WDPCP: variants seen among roughly 807,000 people sequenced by gnomAD.
The protein encoded by WDPCP is WD repeat-containing and planar cell polarity effector protein fritz homolog.
Under a neutral mutation model 93.1 loss-of-function variants are expected in WDPCP, and 71 were observed. The observed-to-expected ratio is 0.76, with a 90% confidence interval of 0.63 to 0.93. WDPCP has a LOEUF of 0.93. Ranked by LOEUF, WDPCP falls within the 40% of genes least tolerant of loss-of-function variation. The pLI, the probability that WDPCP is intolerant of heterozygous loss-of-function variation, is 0.00. For missense variants in WDPCP, 844 were observed against 887.4 expected (o/e 0.95, Z 0.62); for synonymous variants, 315 against 315.0 (o/e 1.00, Z 0.00).
At chr2:63,362,729 A>G (rs1176176521) in intron 12 of WDPCP, among the ~76,000 whole-genome samples, 2 of 152,106 alleles carry the variant, frequency 1.3e-5, no homozygotes, top group Admixed American at 6.5e-5. Context: ...CAGTGGTGCA[A>G]TCATAGCTCA....
chr2:63,419,780 A>G (rs1460128535), intron 9 of WDPCP, among the ~76,000 whole-genome samples: 13 of 152,332 alleles, frequency 8.5e-5, no homozygotes, highest in Admixed American at 6.5e-4. Flanking sequence ...GTCACCTGAT[A>G]TATAAATCAG....
At chr2:63,349,014 A>C (rs1689391159) in intron 12 of WDPCP, among the ~76,000 whole-genome samples, 1 of 152,214 alleles carries the variant, frequency 6.6e-6, no homozygotes, top group Non-Finnish European at 1.5e-5. Context: ...ATGGCCACTT[A>C]TGGAAACTAC....
chr2:63,519,077 T>C (rs1453621196), intron 1 of WDPCP: 1 of 149,094 alleles, frequency 6.7e-6, no homozygotes, highest in Admixed American at 6.7e-5. Context: ...CATGTTGCTA[T>C]TGCCAACCTA....
intron 17 of WDPCP, among the ~76,000 whole-genome samples, chr2:63,133,935 G>C (rs1021104001): frequency 6.6e-6 from 1 of 152,184 alleles, no homozygotes; most frequent in African/African-American, 2.4e-5. Context: ...GGTTTCTGTA[G>C]ACCTTTGACT....
At chr2:63,238,105 G>T (rs1261065603) in intron 14 of WDPCP, among the ~76,000 whole-genome samples, 1 of 151,454 alleles carries the variant, frequency 6.6e-6, no homozygotes, top group African/African-American at 2.4e-5. Flanking sequence ...ACCTTTTCAT[G>T]ATTATAGCAA....
intron 17 of WDPCP, among the ~76,000 whole-genome samples, chr2:63,139,810 A>G (rs1670920917): frequency 6.6e-6 from 1 of 152,060 alleles, no homozygotes; most frequent in African/African-American, 2.4e-5. Context: ...AAAGCTCTTT[A>G]GTTTAATTAG....
chr2:63,473,245 G>A (rs1209114151), intron 6 of WDPCP, among the ~76,000 whole-genome samples: 1 of 152,112 alleles, frequency 6.6e-6, no homozygotes, highest in Non-Finnish European at 1.5e-5. Context: ...GATCCTCTAA[G>A]CAAGTAACAT....
chr2:63,815,637 G>A (rs1670922275), intron 1 of WDPCP, among the ~76,000 whole-genome samples: 1 of 152,150 alleles, frequency 6.6e-6, no homozygotes, highest in African/African-American at 2.4e-5. Flanking sequence ...CCACACCACG[G>A]ACCAGTAGTA....
At chr2:63,570,344 T>A (rs984471702) in intron 1 of WDPCP, among the ~76,000 whole-genome samples, 1 of 152,210 alleles carries the variant, frequency 6.6e-6, no homozygotes, top group Non-Finnish European at 1.5e-5. Context: ...TTTTATGAAC[T>A]TGATGGATGT....
intron 15 of WDPCP, among the ~76,000 whole-genome samples, chr2:63,159,734 G>A (rs1672522533): frequency 6.6e-6 from 1 of 152,204 alleles, no homozygotes; most frequent in Non-Finnish European, 1.5e-5. Context: ...GATATCTGCA[G>A]TGCTGTCAGT....
At chr2:63,832,429 T>TG (rs567271560), upstream of WDPCP, among the ~76,000 whole-genome samples, 2,088 of 150,200 alleles carry the variant, frequency 0.014, 20 homozygotes, top group Admixed American at 0.022. Context: ...GGTGTTGGGG[T>TG]GGGGGGGGGA....
chr2:63,310,166 C>T (rs1248286053), intron 13 of WDPCP, among the ~76,000 whole-genome samples: 1 of 152,080 alleles, frequency 6.6e-6, no homozygotes, highest in Non-Finnish European at 1.5e-5. Context: ...ATTATTAATT[C>T]ATTTGATACT....
chr2:63,246,958 G>A (rs1680323383), intron 14 of WDPCP, among the ~76,000 whole-genome samples: 1 of 152,100 alleles, frequency 6.6e-6, no homozygotes, highest in African/African-American at 2.4e-5. Flanking sequence ...AAAAGTGCCT[G>A]GAAGTGACAC....
chr2:63,648,550 C>G (rs568597290), intron 3 of WDPCP, among the ~76,000 whole-genome samples: 1 of 152,286 alleles, frequency 6.6e-6, no homozygotes, highest in African/African-American at 2.4e-5. Flanking sequence ...CTCTGACAAC[C>G]TGCAACCCCT....
At chr2:63,246,963 T>C (rs1039559692) in intron 14 of WDPCP, among the ~76,000 whole-genome samples, 2 of 152,154 alleles carry the variant, frequency 1.3e-5, no homozygotes, top group African/African-American at 4.8e-5. Flanking sequence ...TGCCTGGAAG[T>C]GACACTGTGA....
intron 1 of WDPCP, among the ~76,000 whole-genome samples, chr2:63,583,083 T>C (rs1258712412): frequency 6.6e-6 from 1 of 152,230 alleles, no homozygotes; most frequent in Non-Finnish European, 1.5e-5. Flanking sequence ...GATGATGTTG[T>C]ATGGGGCTCA....
At chr2:63,407,804 A>G (rs62177833) in intron 9 of WDPCP, among the ~76,000 whole-genome samples, 2 of 152,352 alleles carry the variant, frequency 1.3e-5, no homozygotes, top group South Asian at 4.1e-4. Context: ...AGAAAATTGT[A>G]ATGCTGGTTG....
intron 1 of WDPCP, among the ~76,000 whole-genome samples, chr2:63,524,142 A>ATCC (rs1703149035): frequency 6.6e-6 from 1 of 152,208 alleles, no homozygotes; most frequent in South Asian, 2.1e-4. Context: ...AAAATATTCC[A>ATCC]TGCTTGCAGA....
intron 1 of WDPCP, chr2:63,571,428 C>T (rs746513002): frequency 2.1e-6 from 1 of 465,750 alleles, no homozygotes; most frequent in Admixed American, 2.4e-5. Flanking sequence ...GTATCATTTC[C>T]TTTCAGCCTG....
Sources: gnomAD v4.1 joint callset for allele counts (sites outside exome capture counted in the v4.1 genomes callset) on GRCh38, gnomAD v4.1.1 for gene constraint, MANE v1.5 for transcripts, NCBI Gene and HGNC (gene_info 2026-07-23, HGNC 2026-07-21) for gene names.